The following NEBL variants were observed in gnomAD, a reference collection of about 807,000 sequenced individuals.
NEBL encodes the protein LIM and SH3 protein 2.
Under a neutral mutation model 140.2 loss-of-function variants are expected in NEBL, and 122 were observed. That is an observed-to-expected ratio of 0.87 (90% CI 0.75 to 1.01). NEBL has a LOEUF of 1.01. Ranked by LOEUF, NEBL falls within the 50% of genes least tolerant of loss-of-function variation. The pLI is 0.00. For missense variants in NEBL, 1,365 were observed against 1,231.3 expected, an observed-to-expected ratio of 1.11 and a Z score of -1.62; for synonymous variants, 436 against 398.9, an observed-to-expected ratio of 1.09 and a Z score of -1.11.
intron 3 of NEBL, among the ~76,000 whole-genome samples, chr10:20,977,444 T>C (rs905965812): frequency 9.9e-5 from 15 of 152,038 alleles, no homozygotes; most frequent in Non-Finnish European, 1.8e-4. Flanking sequence ...ATAGTACAAA[T>C]AGAGGTAACA....
chr10:20,958,856 A>C (rs181945502), intron 4 of NEBL, among the ~76,000 whole-genome samples: 2 of 152,218 alleles, frequency 1.3e-5, no homozygotes, highest in Admixed American at 1.3e-4. Flanking sequence ...CTCGTTCATC[A>C]CACTCAATTT....
At chr10:20,985,288 A>T (rs1783817624) in intron 3 of NEBL, among the ~76,000 whole-genome samples, 1 of 152,102 alleles carries the variant, frequency 6.6e-6, no homozygotes, top group African/African-American at 2.4e-5. Context: ...TCAATCTCAA[A>T]CAGATCACAG....
At chr10:20,896,220 G>A (rs996294344) in intron 2 of NEBL, among the ~76,000 whole-genome samples, 2 of 151,884 alleles carry the variant, frequency 1.3e-5, no homozygotes, top group Admixed American at 6.6e-5. Flanking sequence ...CCGCTAATGA[G>A]GATCATCTAA....
chr10:21,160,969 A>AT (rs1453707692), intron 2 of NEBL, among the ~76,000 whole-genome samples: 2 of 151,962 alleles, frequency 1.3e-5, no homozygotes, highest in African/African-American at 4.8e-5. Context: ...TAACAAAGTG[A>AT]TTTTTATAAA....
Position 20,809,818 on chromosome 10 carries a change from G to A in NEBL, c.2599C>T (p.His867Tyr), listed in dbSNP as rs753961523. 9.3e-6 allele frequency: 15 copies of A among 1,609,038 alleles called. 1 individual carries two copies. In the African/African-American group the frequency reaches 1.7e-4, roughly 19 times the overall value. Residue 867 changes from histidine to tyrosine, a missense_variant, in exon 25 of 28, where the codon CAT (histidine) becomes TAT (tyrosine). His to Tyr is a moderately conservative substitution (Grantham distance 83). Transcript: ENST00000377122. ...AAGTGAGTAATACCAGAGAGCATAT[G>A]GAGACTTCTAGACTGAATATTGTCT... is the stretch of plus-strand genomic sequence containing the variant. ...LEDNIQSRSL[H>Y]MLSEKASHYR...
chr10:20,827,262 G>A (rs748786410), intron 17 of NEBL, among the ~76,000 whole-genome samples: 39 of 152,140 alleles, frequency 2.6e-4, no homozygotes, highest in Non-Finnish European at 4.4e-4. Flanking sequence ...GGGAGAGCAC[G>A]GTAGGAGAGA....
chr10:20,916,840 A>C lies in NEBL; in HGVS notation c.357+44832T>G, dbSNP rs925472502. Among the ~76,000 whole-genome samples, 10 of 152,240 alleles carry C rather than the reference A, an allele frequency of 6.6e-5. No homozygotes were observed. In the East Asian group the frequency reaches 7.7e-4, roughly 12 times the overall value. ...TTACCACTAGAGTGACACATTATGA[A>C]TATTTGAAAAAGAATATACAAGTCC... On this transcript the variant is annotated intron_variant, in intron 4 of 6. Transcript: ENST00000417816.
rs150360306 is a variant in NEBL, at chr10:20,874,988, C to T, written c.481-5147G>A. ...TCCTGACCTCAAGTGATCCTCTCAC[C>T]TTGGCCTCCCAACGTGCTAGGATTA... On this transcript the variant is annotated intron_variant, in intron 5 of 27. Transcript: ENST00000377122. Among the ~76,000 whole-genome samples, 527 of 152,312 alleles carry T rather than the reference C, an allele frequency of 3.5e-3. 8 individuals carry two copies. The highest frequency in any genetic ancestry group is 0.011 in the African/African-American group (459 of 41,566).
intron 1 of NEBL, among the ~76,000 whole-genome samples, chr10:21,270,890 A>C (rs995226494): frequency 7.2e-5 from 11 of 152,234 alleles, no homozygotes; most frequent in Non-Finnish European, 1.6e-4. Context: ...ATTTGGGGAC[A>C]AAATCCCAGG....
chr10:21,028,254 A>AAAAGAAGAAGAAGAAGAAGAAGAAGAAG (rs1554819372), intron 2 of NEBL, among the ~76,000 whole-genome samples: 1 of 70,348 alleles, frequency 1.4e-5, no homozygotes, highest in Non-Finnish European at 2.7e-5. Context: ...AAAAAAAAAA[A>AAAAGAAGAAGAAGAAGAAGAAGAAGAAG]AAGAAGAAGA....
intron 1 of NEBL, among the ~76,000 whole-genome samples, chr10:21,256,076 C>A (rs1159815413): frequency 2.0e-5 from 3 of 151,942 alleles, no homozygotes; most frequent in Non-Finnish European, 4.4e-5. Flanking sequence ...ATTTTTATGT[C>A]CCTGTTTTGG....
intron 1 of NEBL, among the ~76,000 whole-genome samples, chr10:21,286,571 G>A (rs1197292961): frequency 3.3e-5 from 5 of 152,216 alleles, no homozygotes; most frequent in Admixed American, 2.6e-4. Context: ...CATGGCTCAC[G>A]CCTGTAATCC....
upstream of NEBL, among the ~76,000 whole-genome samples, chr10:21,177,865 G>A (rs1461863149): frequency 2.0e-5 from 3 of 152,110 alleles, no homozygotes; most frequent in Admixed American, 6.6e-5. Context: ...GCCGTTAGAA[G>A]TGTAGTGGCC....
intron 3 of NEBL, among the ~76,000 whole-genome samples, chr10:21,226,587 G>A (rs114379274): frequency 0.015 from 2,348 of 152,246 alleles, 55 homozygotes; most frequent in African/African-American, 0.054. Flanking sequence ...TCTGGCTAGG[G>A]CTCAATGCTC....
intron 3 of NEBL, among the ~76,000 whole-genome samples, chr10:20,987,129 T>C (rs925791054): frequency 1.3e-5 from 2 of 152,230 alleles, no homozygotes; most frequent in Admixed American, 1.3e-4. Context: ...GTTGCTATAA[T>C]TGCATATGTA....
At chr10:20,962,104 G>C (rs912807244) in intron 3 of NEBL, among the ~76,000 whole-genome samples, 2 of 152,178 alleles carry the variant, frequency 1.3e-5, no homozygotes, top group African/African-American at 4.8e-5. Flanking sequence ...GAATCTGGCT[G>C]ACAGAAACAA....
intron 4 of NEBL, among the ~76,000 whole-genome samples, chr10:20,941,350 T>C (rs900422839): frequency 6.6e-6 from 1 of 152,154 alleles, no homozygotes; most frequent in Admixed American, 6.5e-5. Context: ...ATTATCTCAA[T>C]AGATGCAGAA....
At chr10:21,105,190 T>C (rs1460091463) in intron 2 of NEBL, among the ~76,000 whole-genome samples, 2 of 152,040 alleles carry the variant, frequency 1.3e-5, no homozygotes, top group Non-Finnish European at 2.9e-5. Context: ...TCTTCATTTC[T>C]TTTTCTTTTA....
intron 4 of NEBL, among the ~76,000 whole-genome samples, chr10:20,929,236 G>A (rs1026326171): frequency 6.6e-6 from 1 of 151,086 alleles, no homozygotes; most frequent in Non-Finnish European, 1.5e-5. Flanking sequence ...CAGATGACTG[G>A]ATAAAGAAAA....
Sources: allele counts gnomAD v4.1 joint callset (sites outside exome capture counted in the v4.1 genomes callset), GRCh38; gene constraint gnomAD v4.1.1; transcripts MANE v1.5; gene names NCBI Gene and HGNC (gene_info 2026-07-23, HGNC 2026-07-21).